The following TP53I13 variants were observed in gnomAD, a reference collection of about 807,000 sequenced individuals.
TP53I13 encodes the protein tumor protein p53 inducible protein 13.
In TP53I13, 27 loss-of-function variants were observed where a neutral mutation model predicts 39.1. That is an observed-to-expected ratio of 0.69 (90% confidence interval 0.51 to 0.95). TP53I13 has a LOEUF of 0.95. TP53I13 is among the 40% of genes least tolerant of loss of function. The pLI is 0.00. For synonymous variants in TP53I13, 230 were observed against 224.6 expected (o/e 1.02, Z -0.22); for missense variants, 544 against 520.4 (o/e 1.05, Z -0.44).
intron 3 of TP53I13, 64 bp from the exon 4 acceptor site, chr17:29,571,527 G>A: frequency 6.2e-7 from 1 of 1,601,394 alleles, no homozygotes; most frequent in Non-Finnish European, 8.5e-7. Context: ...CCCTGGATGG[G>A]AGAACTTGAG....
chr17:29,578,404 A>G, the TP53I13 span: 1 of 1,602,278 alleles, frequency 6.2e-7, no homozygotes, highest in South Asian at 1.1e-5. Context: ...ATGTTGTCAG[A>G]TGCATCGGCT....
Position 29,572,063 on chromosome 17 carries a change from A to G in TP53I13, c.513+6A>G, listed in dbSNP as rs1456586784. 1.2e-5 allele frequency: 19 copies of G among 1,612,780 alleles called. No homozygotes were observed. The highest frequency in any genetic ancestry group is 1.6e-5 in the Non-Finnish European group (19 of 1,179,982). On this transcript the variant is annotated splice_donor_region_variant and intron_variant, in intron 5 of 6. Coordinates refer to ENST00000301057, the MANE Select transcript of TP53I13 (RefSeq NM_138349.4). Reference sequence around the variant, plus strand: ...GCCGAAGAGGGTGTGTGCAGGTGAGAGACGCTGGGCCCAGGCTTGTTGGCC... The same window carrying G: ...GCCGAAGAGGGTGTGTGCAGGTGAGGGACGCTGGGCCCAGGCTTGTTGGCC...
In TP53I13 at chr17:29,572,582, C is replaced by T. The variant is rs529106090; in HGVS notation, c.954C>T (p.Thr318=). 4.4e-5 allele frequency: 70 copies of T among 1,596,014 alleles called. 1 individual carries two copies. The East Asian group carries it at 1.2e-3, about 28-fold the overall frequency. Residue 318 remains threonine, a synonymous_variant, in exon 6 of 7, where the codon ACC becomes ACT. Transcript: ENST00000301057. ...CCGCCTGGGCTGCCATGGCCCTGAC[C>T]TTCCTGCTGGTGCTGCTCACCCTGG... is the stretch of plus-strand genomic sequence containing the variant. ...EEAAWAAMAL[T]FLLVLLTLAT... is the part of the protein sequence containing the mutation.
chr17:29,576,441 G>C (rs1371353324), downstream of TP53I13: 1 of 1,612,652 alleles, frequency 6.2e-7, no homozygotes, highest in Non-Finnish European at 8.5e-7. Flanking sequence ...TCCGCCTGCA[G>C]CTTGTGGATC....
chr17:29,569,098 G>T lies in TP53I13; in HGVS notation c.141+12G>T, dbSNP rs750393250. 1 of 1,582,712 alleles carries T rather than the reference G, an allele frequency of 6.3e-7. No homozygotes were observed. Among genetic ancestry groups the T allele is most frequent in the South Asian group, 1.1e-5 (1 of 87,204 alleles). ...CTCTGCCTCCGCAGGTAGGAGCCCT[G>T]GAGGGCCCAGGGAGAGAGGGATGTG... On this transcript the variant is annotated intron_variant, in intron 2 of 6. Coordinates refer to ENST00000301057, the MANE Select transcript of TP53I13 (RefSeq NM_138349.4).
At chr17:29,581,178 G>A in the TP53I13 span, 1 of 649,950 alleles carries the variant, frequency 1.5e-6, no homozygotes, top group Admixed American at 2.4e-5. The surrounding 1 kb of genome is among the most constrained non-coding windows in gnomAD (Gnocchi z 4.8). Flanking sequence ...TACCTGCCTT[G>A]GGGCCCAGCA....
downstream of TP53I13, chr17:29,576,073 C>G: frequency 1.2e-6 from 2 of 1,613,520 alleles, no homozygotes; most frequent in Middle Eastern, 3.3e-4. Flanking sequence ...CTTCCCCAGG[C>G]TTACCCGGTA....
At chr17:29,570,896 T>C (rs2032897429) in intron 3 of TP53I13, 1 of 152,518 alleles carries the variant, frequency 6.6e-6, no homozygotes, top group Admixed American at 6.5e-5. Context: ...CAGTCCCAGC[T>C]GGCATCAGCT....
At chr17:29,576,448 G>C (rs2033204927), downstream of TP53I13, 1 of 1,612,676 alleles carries the variant, frequency 6.2e-7, no homozygotes, top group Non-Finnish European at 8.5e-7. Context: ...GCAGCTTGTG[G>C]ATCTATGGGT....
the TP53I13 span, chr17:29,581,263 G>A: frequency 9.1e-7 from 1 of 1,094,218 alleles, no homozygotes; most frequent in South Asian, 1.2e-5. The surrounding 1 kb of genome is among the most constrained non-coding windows in gnomAD (Gnocchi z 4.8). Flanking sequence ...TGAAACCTGG[G>A]CTGGGAGCTC....
chr17:29,567,055 C>A (rs2032735935), upstream of TP53I13: 2 of 1,140,150 alleles, frequency 1.8e-6, no homozygotes, highest in Non-Finnish European at 2.2e-6. The surrounding 1 kb of genome is among the most constrained non-coding windows in gnomAD (Gnocchi z 6.6). Flanking sequence ...CGCCCGCCGG[C>A]GGCGGCTGCC....
chr17:29,578,261 G>A, the TP53I13 span: 13 of 1,547,588 alleles, frequency 8.4e-6, no homozygotes, highest in African/African-American at 1.1e-4. Flanking sequence ...TGGGCCGCTC[G>A]GGTCCTCCAC....
At chr17:29,581,110 T>C in the TP53I13 span, 1 of 580,818 alleles carries the variant, frequency 1.7e-6, no homozygotes, top group Non-Finnish European at 3.1e-6. The surrounding 1 kb of genome is among the most constrained non-coding windows in gnomAD (Gnocchi z 4.8). Flanking sequence ...AAGCCCTCCA[T>C]GTACTTGACA....
rs772041964 is a variant in TP53I13 at position 29,568,739 on chromosome 17, C to G, written c.-20C>G. 4 of 1,503,528 alleles carry G rather than the reference C, an allele frequency of 2.7e-6. No individual in the cohort carries two copies. The South Asian group carries it at 4.9e-5, about 19-fold the overall frequency. 93.1% of individuals were successfully genotyped at this position (1,503,528 alleles called of 1,614,324 possible). A position where few individuals can be genotyped will look rare whatever the true frequency, so the allele number is the denominator to read the frequency against. On this transcript the variant is annotated 5_prime_UTR_variant, in exon 1 of 7. Coordinates refer to ENST00000301057, the MANE Select transcript of TP53I13 (RefSeq NM_138349.4). The surrounding 1 kb of genome is among the most constrained non-coding windows in gnomAD (Gnocchi z 4.5). ...CTGGCGGAGCGGCTGGGCGGCGGGC[C>G]GGGCCCGGGGCCGCTTGGAATGGCG... is the stretch of plus-strand genomic sequence containing the variant.
At chr17:29,577,550 C>G, downstream of TP53I13, 2 of 851,266 alleles carry the variant, frequency 2.3e-6, no homozygotes, top group Non-Finnish European at 4.0e-6. Context: ...CTGGCAAATG[C>G]TGGAGAGCTG....
At chr17:29,581,813 G>T in the TP53I13 span, 1 of 1,612,426 alleles carries the variant, frequency 6.2e-7, no homozygotes. This position sits in a 1 kb window ranked among gnomAD's most constrained non-coding sequence, Gnocchi z 4.8. Context: ...CAGCCTTTCC[G>T]CCAGCTCATG....
Position 29,572,793 on chromosome 17 carries a change from C to T in TP53I13, c.1070-19C>T, listed in dbSNP as rs1468874473. 2 of 1,496,634 alleles carry T rather than the reference C, an allele frequency of 1.3e-6. No individual in the cohort carries two copies. The highest frequency in any genetic ancestry group is 5.1e-5 in the East Asian group (2 of 39,482). 92.7% of individuals were successfully genotyped at this position (1,496,634 alleles called of 1,614,324 possible). Reference sequence around the variant, plus strand: ...TTCCCTGCCCTCCCGCCCTTGACTGCTCGGCGCCCGGCCCACAGCTGTGCT... The same window carrying T: ...TTCCCTGCCCTCCCGCCCTTGACTGTTCGGCGCCCGGCCCACAGCTGTGCT... On this transcript the variant is annotated intron_variant, in intron 6 of 6. Coordinates refer to ENST00000301057, the MANE Select transcript of TP53I13 (RefSeq NM_138349.4).
At chr17:29,576,141 T>C (rs759547659), downstream of TP53I13, 2 of 1,613,604 alleles carry the variant, frequency 1.2e-6, no homozygotes, top group Non-Finnish European at 1.7e-6. Flanking sequence ...CCTGGGGATG[T>C]TAGCACAGCG....
the TP53I13 span, chr17:29,581,141 C>T: frequency 2.5e-5 from 15 of 607,232 alleles, no homozygotes; most frequent in South Asian, 1.9e-4. This position sits in a 1 kb window ranked among gnomAD's most constrained non-coding sequence, Gnocchi z 4.8. Flanking sequence ...TCAGGCTATG[C>T]GGGCCACATA....
Sources: allele counts gnomAD v4.1 joint callset, GRCh38; gene constraint gnomAD v4.1.1; non-coding constraint Gnocchi (gnomAD v3.1); transcripts MANE v1.5; gene names NCBI Gene and HGNC (gene_info 2026-07-23, HGNC 2026-07-21).